The following NXPH1 variants were observed in gnomAD, a reference collection of about 807,000 sequenced individuals.
NXPH1 encodes neurexophilin-1.
Under a neutral mutation model 23.7 loss-of-function variants are expected in NXPH1, and 5 were observed. The ratio of observed to expected loss-of-function variants is 0.21; its 90% confidence interval spans 0.11 to 0.44. The LOEUF (loss-of-function observed/expected upper bound fraction) is 0.44. Among genes scored for constraint, NXPH1 ranks in the 20% least tolerant of loss-of-function variants. The pLI is 0.99. For missense variants in NXPH1, 324 were observed against 321.6 expected, an observed-to-expected ratio of 1.01 and a Z score of -0.06; for synonymous variants, 144 against 122.2, an observed-to-expected ratio of 1.18 and a Z score of -1.18.
Position 8,708,723 on chromosome 7 carries a change from G to A in NXPH1, c.55-42285G>A, listed in dbSNP as rs190112627. ...TTTTTTTTACAGAATTGCATTTACT[G>A]AATTGGTGGTATGCTATTATCATAC... is the stretch of plus-strand genomic sequence containing the variant. On this transcript the variant is annotated intron_variant, in intron 2 of 2. Transcript: ENST00000405863. Among the ~76,000 whole-genome samples, 19 of 152,134 alleles carry A rather than the reference G, an allele frequency of 1.2e-4. No homozygotes were observed. In the East Asian group the frequency reaches 3.7e-3, roughly 29 times the overall value.
chr7:8,729,115 G>C (rs1486004050), intron 2 of NXPH1, among the ~76,000 whole-genome samples: 1 of 152,114 alleles, frequency 6.6e-6, no homozygotes, highest in Non-Finnish European at 1.5e-5. Flanking sequence ...AGATTTTCTA[G>C]TTTATTTGCA....
At chr7:8,654,826 G>A (rs1202690944) in intron 2 of NXPH1, among the ~76,000 whole-genome samples, 2 of 152,164 alleles carry the variant, frequency 1.3e-5, no homozygotes, top group African/African-American at 4.8e-5. Flanking sequence ...ATTTAGGTGG[G>A]CACAGAAGAA....
intron 2 of NXPH1, among the ~76,000 whole-genome samples, chr7:8,655,994 A>G (rs1267746825): frequency 6.6e-6 from 1 of 152,228 alleles, no homozygotes. Flanking sequence ...ACACTAAACT[A>G]TATGGGGCTA....
At chr7:8,718,964 C>G (rs1363100284) in intron 2 of NXPH1, among the ~76,000 whole-genome samples, 1 of 152,146 alleles carries the variant, frequency 6.6e-6, no homozygotes, top group Non-Finnish European at 1.5e-5. Context: ...GCCATCAACC[C>G]AGACTTGATT....
intron 2 of NXPH1, among the ~76,000 whole-genome samples, chr7:8,451,565 TTTTG>T (rs1211204273): frequency 6.6e-6 from 1 of 152,250 alleles, no homozygotes; most frequent in Admixed American, 6.5e-5. Flanking sequence ...AGCTTTTGGA[TTTTG>T]TTTGATAGTA....
At chr7:8,533,005 G>T (rs1163201399) in intron 2 of NXPH1, among the ~76,000 whole-genome samples, 2 of 152,094 alleles carry the variant, frequency 1.3e-5, no homozygotes, top group Non-Finnish European at 2.9e-5. Context: ...GAGGGGCACT[G>T]TTCTGAGTGC....
At chr7:8,663,820 G>T (rs745763566) in intron 2 of NXPH1, among the ~76,000 whole-genome samples, 29 of 152,038 alleles carry the variant, frequency 1.9e-4, no homozygotes, top group Non-Finnish European at 2.6e-4. Flanking sequence ...CATGGAGATA[G>T]CTTGAGTCCC....
Position 8,710,972 on chromosome 7 carries a change from TATG to T in NXPH1, c.55-40033_55-40031del, listed in dbSNP as rs975741525. Among the ~76,000 whole-genome samples the T allele has an allele frequency of 4.6e-5, 7 of 152,208 alleles. 1 individual carries two copies. Among genetic ancestry groups the T allele is most frequent in the African/African-American group, 1.7e-4 (7 of 41,444 alleles). ...CCACCGCGCCCGGCCGTTACGGTTT[TATG>T]ATAACACAAGGATACTGTATTCCAT... On this transcript the variant is annotated intron_variant, in intron 2 of 2. Transcript: ENST00000405863.
At chr7:8,543,667 C>T (rs918853518) in intron 2 of NXPH1, among the ~76,000 whole-genome samples, 3 of 151,572 alleles carry the variant, frequency 2.0e-5, no homozygotes, top group African/African-American at 7.3e-5. Context: ...GTCTAGTTCA[C>T]ACGTAGATGC....
At chr7:8,581,363 T>G (rs1584247593) in intron 2 of NXPH1, among the ~76,000 whole-genome samples, 1 of 152,024 alleles carries the variant, frequency 6.6e-6, no homozygotes, top group African/African-American at 2.4e-5. Flanking sequence ...ATGGCTAGGG[T>G]GGCTTCGGAA....
At chr7:8,618,618 C>A (rs1490379849) in intron 2 of NXPH1, among the ~76,000 whole-genome samples, 1 of 152,146 alleles carries the variant, frequency 6.6e-6, no homozygotes, top group African/African-American at 2.4e-5. Context: ...GCTTAAATTT[C>A]ACTTGCAAAC....
At chr7:8,745,568 C>T (rs1469879464) in intron 2 of NXPH1, among the ~76,000 whole-genome samples, 2 of 151,866 alleles carry the variant, frequency 1.3e-5, no homozygotes, top group African/African-American at 2.4e-5. Context: ...GCACTGTCTG[C>T]CCCGAAACAG....
At chr7:8,660,534 GT>G (rs1820655126) in intron 2 of NXPH1, among the ~76,000 whole-genome samples, 1 of 152,190 alleles carries the variant, frequency 6.6e-6, no homozygotes, top group Non-Finnish European at 1.5e-5. Flanking sequence ...ACTTGTTGAA[GT>G]TTTAAAAATG....
At chr7:8,746,427 A>C (rs886505) in intron 2 of NXPH1, among the ~76,000 whole-genome samples, 1 of 151,938 alleles carries the variant, frequency 6.6e-6, no homozygotes, top group South Asian at 2.1e-4. Context: ...AGCCTTTCCC[A>C]TTATATCACT....
At chr7:8,578,692 GAAGA>G in intron 2 of NXPH1, among the ~76,000 whole-genome samples, 1 of 152,168 alleles carries the variant, frequency 6.6e-6, no homozygotes, top group Non-Finnish European at 1.5e-5. Flanking sequence ...TGTTTTCACT[GAAGA>G]GGGGAGGAAC....
chr7:8,517,899 T>C (rs1391205789), intron 2 of NXPH1, among the ~76,000 whole-genome samples: 1 of 152,174 alleles, frequency 6.6e-6, no homozygotes, highest in Non-Finnish European at 1.5e-5. Context: ...GACCATGTTT[T>C]GGTGAACAGA....
At chr7:8,533,069 T>A (rs1233779585) in intron 2 of NXPH1, among the ~76,000 whole-genome samples, 1 of 152,128 alleles carries the variant, frequency 6.6e-6, no homozygotes, top group African/African-American at 2.4e-5. Context: ...ATTATACTTA[T>A]TTTATAGTTG....
chr7:8,645,397 G>C (rs78438299), intron 2 of NXPH1, among the ~76,000 whole-genome samples: 4,131 of 152,072 alleles, frequency 0.027, 256 homozygotes, highest in East Asian at 0.17. Context: ...TTCATTTACA[G>C]TTTGTTGATT....
At chr7:8,716,964 G>T (rs1305722676) in intron 2 of NXPH1, among the ~76,000 whole-genome samples, 2 of 152,166 alleles carry the variant, frequency 1.3e-5, no homozygotes, top group Non-Finnish European at 2.9e-5. Flanking sequence ...GAGGCTCCAA[G>T]ACACTGCTCT....
Sources: gnomAD v4.1 joint callset for allele counts (sites outside exome capture counted in the v4.1 genomes callset) on GRCh38, gnomAD v4.1.1 for gene constraint, MANE v1.5 for transcripts, NCBI Gene and HGNC (gene_info 2026-07-23, HGNC 2026-07-21) for gene names.